Variants in CACNA2D2 observed in about 807,000 individuals in gnomAD.
The protein encoded by CACNA2D2 is voltage-dependent calcium channel subunit alpha-2/delta-2.
Under a neutral mutation model 166.4 loss-of-function variants are expected in CACNA2D2, and 48 were observed. The observed-to-expected ratio is 0.29, with a 90% CI of 0.23 to 0.37. The LOEUF (loss-of-function observed/expected upper bound fraction) is 0.37. Ranked by LOEUF, CACNA2D2 falls within the 10% of genes least tolerant of loss-of-function variation. The probability of loss-of-function intolerance (pLI) is 1.00; values close to 1 mark genes in which losing one functional copy is unlikely to be tolerated. For missense variants in CACNA2D2, 1,122 were observed against 1,433.0 expected (o/e 0.78, Z 3.50); for synonymous variants, 561 against 573.7 (o/e 0.98, Z 0.32).
Position 50,376,196 on chromosome 3 carries a change from C to A in CACNA2D2, c.1627-8G>T. ...ATAGCCGTTGGCTCCAAGCTGGAGG[C>A]ACAGATTGGGGGCTCAGGGTCTGGA... On this transcript the variant is annotated splice_region_variant and splice_polypyrimidine_tract_variant and intron_variant, in intron 17 of 37. Transcript: ENST00000424201. The surrounding 1 kb of genome is among the most constrained non-coding windows in gnomAD (Gnocchi z 4.3). The A allele has an allele frequency of 2.5e-6, 4 of 1,613,124 alleles. No homozygotes were observed. Among genetic ancestry groups the A allele is most frequent in the Non-Finnish European group, 3.4e-6 (4 of 1,179,848 alleles).
intron 2 of CACNA2D2, among the ~76,000 whole-genome samples, chr3:50,453,972 C>T (rs1191116684): frequency 2.0e-5 from 3 of 152,020 alleles, no homozygotes; most frequent in East Asian, 1.9e-4. Flanking sequence ...GCCCTGCCCC[C>T]GCCTCACGGA....
chr3:50,450,621 G>C (rs1575705892), intron 2 of CACNA2D2, among the ~76,000 whole-genome samples: 1 of 151,848 alleles, frequency 6.6e-6, no homozygotes, highest in Admixed American at 6.6e-5. Flanking sequence ...GCCAAATATT[G>C]TACTTGCCTC....
chr3:50,382,005 C>G (rs1461764685), intron 6 of CACNA2D2, among the ~76,000 whole-genome samples: 3 of 151,770 alleles, frequency 2.0e-5, no homozygotes, highest in Non-Finnish European at 4.4e-5. Context: ...CACACACACA[C>G]ACACACACAC....
At position 50,366,848 on chromosome 3, in the gene CACNA2D2, G is replaced by C. The variant is rs1166899418; in HGVS notation, c.2572C>G (p.Gln858Glu). ...CCAAATACCTTCTGAGGCTGGTCTT[G>C]GTGGGTACGGTTGCTGGCTAGCACC... ...FKVLASNRTH[Q>E]DQPQKCGPNS... Residue 858 changes from glutamine to glutamate, a missense_variant, in exon 29 of 38, where the codon CAA becomes GAA. Gln to Glu is a conservative substitution (Grantham distance 29, BLOSUM62 2). This residue lies in a region of CACNA2D2 where 840 missense variants were observed against 1,166.8 expected (regional missense o/e 0.72). Coordinates refer to ENST00000424201, the MANE Select transcript of CACNA2D2 (RefSeq NM_006030.4). This position sits in a 1 kb window ranked among gnomAD's most constrained non-coding sequence, Gnocchi z 5.9. 3.7e-6 allele frequency: 6 copies of C among 1,613,396 alleles called. No individual in the cohort carries two copies. The highest frequency in any genetic ancestry group is 5.1e-6 in the Non-Finnish European group (6 of 1,179,998).
At position 50,379,207 on chromosome 3, in the gene CACNA2D2, G is replaced by C; in HGVS notation, c.1153-8C>G. The C allele has an allele frequency of 6.2e-7, 1 of 1,606,156 alleles. No homozygotes were observed. Among genetic ancestry groups the C allele is most frequent in the African/African-American group, 1.3e-5 (1 of 74,924 alleles). On this transcript the variant is annotated splice_region_variant and splice_polypyrimidine_tract_variant and intron_variant, in intron 11 of 37. Transcript: ENST00000424201. The surrounding 1 kb of genome is among the most constrained non-coding windows in gnomAD (Gnocchi z 6.5). Reference sequence around the variant, plus strand: ...GGCCCGAGTGATGTTGGACTGAGGGGAGTGAGGCGGAGGCAGGCAGCTCTC... The same window carrying C: ...GGCCCGAGTGATGTTGGACTGAGGGCAGTGAGGCGGAGGCAGGCAGCTCTC...
chr3:50,406,617 C>T (rs979549971), intron 3 of CACNA2D2, among the ~76,000 whole-genome samples: 4 of 96,382 alleles, frequency 4.2e-5, no homozygotes, highest in Admixed American at 9.1e-5. Context: ...ATTACTCCAT[C>T]ATCATCAGTG....
chr3:50,388,248 C>T (rs1003992702), intron 4 of CACNA2D2, among the ~76,000 whole-genome samples: 2 of 152,188 alleles, frequency 1.3e-5, no homozygotes, highest in African/African-American at 4.8e-5. Flanking sequence ...CCGGCCGCCC[C>T]GGGGACCCGT....
rs148615584 is a variant in CACNA2D2 at position 50,384,284 on chromosome 3, C to G, written c.564G>C (p.Arg188Ser). Residue 188 changes from arginine to serine, a missense_variant, in exon 6 of 38, where the codon AGG becomes AGC. Arg to Ser is a moderately radical substitution (Grantham distance 110). This residue lies in a region of CACNA2D2 where 840 missense variants were observed against 1,166.8 expected (regional missense o/e 0.72). Transcript: ENST00000424201. ...AGTTTGGGTCCTCGATGAAGTCCAG[C>G]CTTAGGGTGCTGGCCTTAGACCCCC... ...VERGSKASTL[R>S]LDFIEDPNFK... The G allele has an allele frequency of 2.7e-5, 44 of 1,614,046 alleles. No homozygotes were observed. The highest frequency in any genetic ancestry group is 3.2e-5 in the Non-Finnish European group (38 of 1,180,020).
Position 50,431,975 on chromosome 3 carries a change from T to C in CACNA2D2, c.405+2338A>G, listed in dbSNP as rs1449646285. ...ACTCCAGCCTGGGTGACAGAGTGTC[T>C]GTCTCAAAAAAAAAAAAAAAAAAAA... On this transcript the variant is annotated intron_variant, in intron 3 of 37. Transcript: ENST00000424201. 3.5e-5 allele frequency among the ~76,000 whole-genome samples: 4 copies of C among 114,154 alleles called. No homozygotes were observed. The East Asian group carries it at 1.0e-3, about 29-fold the overall frequency. 74.9% of individuals were successfully genotyped at this position (114,154 alleles called of 152,430 possible). A position where few individuals can be genotyped will look rare whatever the true frequency, so the allele number is the denominator to read the frequency against.
intron 2 of CACNA2D2, among the ~76,000 whole-genome samples, chr3:50,445,528 C>G (rs1319550904): frequency 6.6e-6 from 1 of 152,188 alleles, no homozygotes; most frequent in Non-Finnish European, 1.5e-5. Flanking sequence ...TTTAGGCTCT[C>G]CTTGAATTTT....
At chr3:50,433,847 C>A (rs1708185864) in intron 3 of CACNA2D2, among the ~76,000 whole-genome samples, 2 of 152,168 alleles carry the variant, frequency 1.3e-5, no homozygotes, top group Admixed American at 1.3e-4. Flanking sequence ...GAGCAGCCCC[C>A]ATCCTTACGT....
intron 3 of CACNA2D2, among the ~76,000 whole-genome samples, chr3:50,432,871 T>C (rs754752188): frequency 1.8e-4 from 27 of 152,184 alleles, no homozygotes; most frequent in African/African-American, 6.5e-4. Flanking sequence ...AGAAGGAAAT[T>C]CTGGTTCTCT....
At chr3:50,480,438 G>T (rs965700580) in intron 1 of CACNA2D2, among the ~76,000 whole-genome samples, 2 of 152,054 alleles carry the variant, frequency 1.3e-5, no homozygotes, top group Non-Finnish European at 2.9e-5. Flanking sequence ...CTTATTGAGG[G>T]CTCAGGACAT....
chr3:50,370,189 C>T lies in CACNA2D2; in HGVS notation c.2045+131G>A, dbSNP rs374145383. 5.2e-4 allele frequency: 357 copies of T among 687,834 alleles called. 6 individuals carry two copies. In the South Asian group the frequency reaches 5.5e-3, roughly 11 times the overall value. 42.6% of individuals were successfully genotyped at this position (687,834 alleles called of 1,614,324 possible). A position where few individuals can be genotyped will look rare whatever the true frequency, so the allele number is the denominator to read the frequency against. ...TATGCACACAGCCGCGCATACCGGG[C>T]GATGTATGGGGGCCGGGGGATGACA... On this transcript the variant is annotated intron_variant, in intron 23 of 37. Transcript: ENST00000424201.
In CACNA2D2 at chr3:50,365,247, CG is replaced by C; in HGVS notation, c.3099-64del. The C allele has an allele frequency of 7.2e-7, 1 of 1,380,290 alleles. No homozygotes were observed. The allele number at this position is 1,380,290 out of a possible 1,614,324, so 85.5% of individuals were successfully genotyped here. A position where few individuals can be genotyped will look rare whatever the true frequency, so the allele number is the denominator to read the frequency against. On this transcript the variant is annotated intron_variant, in intron 35 of 37. Coordinates refer to ENST00000424201, the MANE Select transcript of CACNA2D2 (RefSeq NM_006030.4). This position sits in a 1 kb window ranked among gnomAD's most constrained non-coding sequence, Gnocchi z 4.5. Reference sequence around the variant, plus strand: ...CCCGCCCTGACCCACCCCCATCCTGCGGCCCCGCCCCCGGCCGCTCGGAGGC... The same window carrying C: ...CCCGCCCTGACCCACCCCCATCCTGCGCCCCGCCCCCGGCCGCTCGGAGGC...
intron 2 of CACNA2D2, among the ~76,000 whole-genome samples, chr3:50,437,111 C>T (rs534358485): frequency 1.3e-5 from 2 of 152,326 alleles, no homozygotes; most frequent in East Asian, 3.9e-4. Flanking sequence ...GGTCTGATTC[C>T]TCAACTTCTG....
chr3:50,501,352 C>A (rs898112078), intron 1 of CACNA2D2, among the ~76,000 whole-genome samples: 3 of 152,006 alleles, frequency 2.0e-5, no homozygotes. Flanking sequence ...TAGTCACCTC[C>A]CCCTGGACCC....
rs926401416 is a variant in CACNA2D2, at chr3:50,379,603, T to C, written c.994-13A>G. ...CCTTCTCGTTGAACTGCAGGAACAGTAGGGTGGTGAGTGGCCTCAGGCTGG... is the reference window on the plus strand; with the variant it reads ...CCTTCTCGTTGAACTGCAGGAACAGCAGGGTGGTGAGTGGCCTCAGGCTGG... On this transcript the variant is annotated splice_polypyrimidine_tract_variant and intron_variant, in intron 10 of 37. Coordinates refer to ENST00000424201, the MANE Select transcript of CACNA2D2 (RefSeq NM_006030.4). The surrounding 1 kb of genome is among the most constrained non-coding windows in gnomAD (Gnocchi z 6.5). The C allele has an allele frequency of 7.4e-6, 12 of 1,613,472 alleles. No individual in the cohort carries two copies. Among genetic ancestry groups the C allele is most frequent in the Admixed American group, 3.3e-5 (2 of 60,012 alleles).
chr3:50,378,246 A>G, intron 14 of CACNA2D2, 38 bp downstream of exon 14: 1 of 1,554,054 alleles, frequency 6.4e-7, no homozygotes, highest in Non-Finnish European at 8.7e-7. Flanking sequence ...CCTGCAGGGA[A>G]GCCAGGGGCT....
Sources: allele counts gnomAD v4.1 joint callset (sites outside exome capture counted in the v4.1 genomes callset), GRCh38; gene constraint gnomAD v4.1.1; regional missense constraint gnomAD v4.1.1; non-coding constraint Gnocchi (gnomAD v3.1); transcripts MANE v1.5; gene names NCBI Gene and HGNC (gene_info 2026-07-23, HGNC 2026-07-21).